GAL3ST2: variants seen among roughly 807,000 people sequenced by gnomAD.
The protein encoded by GAL3ST2 is beta-galactose-3-O-sulfotransferase 2.
In GAL3ST2, 16 loss-of-function variants were observed where a neutral mutation model predicts 12.9. The ratio of observed to expected loss-of-function variants is 1.24; its 90% CI spans 0.84 to 1.88. GAL3ST2 has a LOEUF of 1.88. GAL3ST2 is among the 40% of genes most tolerant of loss of function. The pLI is 0.00. For missense variants in GAL3ST2, 639 were observed against 571.8 expected (o/e 1.12, Z -1.20); for synonymous variants, 302 against 273.9 (o/e 1.10, Z -1.01).
chr2:241,798,309 C>G (rs1030965057), intron 1 of GAL3ST2, among the ~76,000 whole-genome samples: 13 of 152,236 alleles, frequency 8.5e-5, no homozygotes, highest in Non-Finnish European at 1.6e-4. Flanking sequence ...ACAGACACCA[C>G]AGACAGGCTG....
Position 241,795,378 on chromosome 2 carries a change from G to C in GAL3ST2, c.30-3687G>C, listed in dbSNP as rs1699760257. ...AGATTCATGCTGCCGCAAGGCCAAGGGGGGTATTGTAAGTGTGAAAGCAGC... is the reference window on the plus strand; with the variant it reads ...AGATTCATGCTGCCGCAAGGCCAAGCGGGGTATTGTAAGTGTGAAAGCAGC... On this transcript the variant is annotated intron_variant, in intron 1 of 3. Transcript: ENST00000192314. The surrounding 1 kb of genome is among the most constrained non-coding windows in gnomAD (Gnocchi z 4.5). 6.6e-6 allele frequency among the ~76,000 whole-genome samples: 1 copy of C among 152,224 alleles called. No homozygotes were observed. Among genetic ancestry groups the C allele is most frequent in the African/African-American group, 2.4e-5 (1 of 41,460 alleles).
At chr2:241,785,994 A>G (rs1456633202) in intron 1 of GAL3ST2, among the ~76,000 whole-genome samples, 1 of 152,236 alleles carries the variant, frequency 6.6e-6, no homozygotes, top group Non-Finnish European at 1.5e-5. Context: ...TGTTTCAGAA[A>G]TACAGACATT....
At chr2:241,784,667 CT>C (rs1470779917) in intron 1 of GAL3ST2, among the ~76,000 whole-genome samples, 3 of 152,082 alleles carry the variant, frequency 2.0e-5, no homozygotes, top group Non-Finnish European at 4.4e-5. Flanking sequence ...TATATTTTTA[CT>C]AGTGAAACAT....
intron 1 of GAL3ST2, among the ~76,000 whole-genome samples, chr2:241,796,789 G>T (rs1384563178): frequency 6.6e-6 from 1 of 152,128 alleles, no homozygotes; most frequent in Non-Finnish European, 1.5e-5. Context: ...GTTCCCGTGG[G>T]GGGCTGGGCT....
chr2:241,798,120 C>A (rs866256751), intron 1 of GAL3ST2, among the ~76,000 whole-genome samples: 2 of 152,196 alleles, frequency 1.3e-5, no homozygotes, highest in African/African-American at 4.8e-5. Context: ...GACCCTGGCT[C>A]CCCGCCCGAC....
intron 1 of GAL3ST2, among the ~76,000 whole-genome samples, chr2:241,782,190 T>C (rs899539911): frequency 3.3e-5 from 5 of 152,252 alleles, no homozygotes; most frequent in African/African-American, 1.2e-4. Context: ...TCTTTGACGT[T>C]AATGATTAAT....
chr2:241,803,280 C>T, intron 3 of GAL3ST2, 65 bp from the exon 4 acceptor site: 2 of 1,379,570 alleles, frequency 1.4e-6, no homozygotes, highest in South Asian at 1.4e-5. Flanking sequence ...CGCGCCTCCT[C>T]CCCGCGGGTG....
In GAL3ST2 at chr2:241,799,156, T is replaced by C. The variant is rs546229125; in HGVS notation, c.119+2T>C. The C allele has an allele frequency of 2.2e-5, 35 of 1,613,232 alleles. No homozygotes were observed. The South Asian group carries it at 3.7e-4, about 17-fold the overall frequency. On this transcript the variant is annotated splice_donor_variant, in intron 2 of 3. Transcript: ENST00000192314. LOFTEE classifies it high-confidence loss of function. ...CTCGGACTTAGAGCTGGACACACCG[T>C]AAGTCCTGCCCCCACCATAAGTCCT...
chr2:241,803,560 C>T lies in GAL3ST2; in HGVS notation c.591C>T (p.Phe197=). The change falls in exon 4 of 4, where the codon TTC becomes TTT. Residue 197 remains phenylalanine, a synonymous_variant. Transcript: ENST00000192314. ...VYAKNNMWFD[F]GFDPNAQCEE... Reference sequence around the variant, plus strand: ...CCAAGAACAACATGTGGTTCGACTTCGGCTTCGACCCCAACGCGCAGTGCG... The same window carrying T: ...CCAAGAACAACATGTGGTTCGACTTTGGCTTCGACCCCAACGCGCAGTGCG... The T allele has an allele frequency of 1.9e-6, 3 of 1,602,930 alleles. No homozygotes were observed. The highest frequency in any genetic ancestry group is 1.1e-5 in the South Asian group (1 of 89,536).
intron 1 of GAL3ST2, among the ~76,000 whole-genome samples, chr2:241,780,524 C>A (rs1699553846): frequency 6.6e-6 from 1 of 152,130 alleles, no homozygotes; most frequent in Non-Finnish European, 1.5e-5. Flanking sequence ...CTCAAAAAAA[C>A]AAAATGACAA....
At chr2:241,777,068 T>C (rs1699497489) in intron 1 of GAL3ST2, 84 bp downstream of exon 1, 12 of 1,208,252 alleles carry the variant, frequency 9.9e-6, no homozygotes, top group Admixed American at 3.2e-5. Context: ...TGGGTTTTGT[T>C]TGTCTTTCGA....
chr2:241,777,916 C>A (rs773915297), intron 1 of GAL3ST2, among the ~76,000 whole-genome samples: 4 of 152,172 alleles, frequency 2.6e-5, no homozygotes, highest in Non-Finnish European at 5.9e-5. Context: ...GTGTGCCTGA[C>A]CCCAGCTGAG....
At chr2:241,785,576 A>G (rs758728632) in intron 1 of GAL3ST2, among the ~76,000 whole-genome samples, 10 of 149,616 alleles carry the variant, frequency 6.7e-5, no homozygotes, top group Middle Eastern at 7.1e-3. Context: ...AAAAAAGCTG[A>G]GACGAACTTG....
At chr2:241,789,432 A>G (rs1699670509) in intron 1 of GAL3ST2, among the ~76,000 whole-genome samples, 1 of 152,234 alleles carries the variant, frequency 6.6e-6, no homozygotes. Context: ...GTACCTTACT[A>G]TGTAAATTTT....
intron 1 of GAL3ST2, among the ~76,000 whole-genome samples, chr2:241,777,770 C>G (rs1292381169): frequency 6.6e-6 from 1 of 152,122 alleles, no homozygotes; most frequent in Non-Finnish European, 1.5e-5. Context: ...ATCCTAGATG[C>G]CCCCTCCTGT....
At chr2:241,790,543 C>T (rs990303348) in intron 1 of GAL3ST2, among the ~76,000 whole-genome samples, 1 of 152,114 alleles carries the variant, frequency 6.6e-6, no homozygotes, top group Admixed American at 6.6e-5. Flanking sequence ...TCTGGGGAGT[C>T]GTGTCCTACA....
At chr2:241,796,031 C>T (rs144559952) in intron 1 of GAL3ST2, among the ~76,000 whole-genome samples, 134 of 152,300 alleles carry the variant, frequency 8.8e-4, no homozygotes, top group African/African-American at 2.8e-3. Flanking sequence ...TCTGAGGTGC[C>T]GCGTGTGCCG....
chr2:241,791,174 C>G (rs62193071), intron 1 of GAL3ST2, among the ~76,000 whole-genome samples: 7 of 151,932 alleles, frequency 4.6e-5, no homozygotes, highest in African/African-American at 1.5e-4. Flanking sequence ...GCCATGGTCA[C>G]TCATTTTGGC....
At chr2:241,785,316 C>T (rs546720284) in intron 1 of GAL3ST2, among the ~76,000 whole-genome samples, 50 of 152,042 alleles carry the variant, frequency 3.3e-4, no homozygotes, top group Non-Finnish European at 6.3e-4. Flanking sequence ...TTTTGGGAGG[C>T]CGAGGTGGGT....
Sources: allele counts gnomAD v4.1 joint callset (sites outside exome capture counted in the v4.1 genomes callset), GRCh38; gene constraint gnomAD v4.1.1; non-coding constraint Gnocchi (gnomAD v3.1); transcripts MANE v1.5; gene names NCBI Gene and HGNC (gene_info 2026-07-23, HGNC 2026-07-21).